CDH4: variants seen among roughly 807,000 people sequenced by gnomAD.
The protein encoded by CDH4 is cadherin-4.
Under a neutral mutation model 86.0 loss-of-function variants are expected in CDH4, and 33 were observed. The observed-to-expected ratio is 0.38, with a 90% CI of 0.29 to 0.51. CDH4 has a LOEUF of 0.51. Ranked by LOEUF, CDH4 falls within the 20% of genes least tolerant of loss-of-function variation. CDH4 has a pLI of 0.86. For synonymous variants in CDH4, 555 were observed against 549.4 expected (o/e 1.01, Z -0.14); for missense variants, 1,114 against 1,307.4 (o/e 0.85, Z 2.28).
At chr20:61,578,976 G>T (rs531154493) in intron 2 of CDH4, among the ~76,000 whole-genome samples, 1 of 152,234 alleles carries the variant, frequency 6.6e-6, no homozygotes, top group Non-Finnish European at 1.5e-5. Flanking sequence ...CAGTACCCCT[G>T]GGCTGGGATT....
chr20:61,455,154 C>G (rs927886625), intron 2 of CDH4, among the ~76,000 whole-genome samples: 3 of 152,188 alleles, frequency 2.0e-5, no homozygotes, highest in Non-Finnish European at 4.4e-5. Flanking sequence ...CAGAGTGTTA[C>G]ATCTCCACAA....
intron 2 of CDH4, among the ~76,000 whole-genome samples, chr20:61,636,968 C>G (rs2086953718): frequency 6.6e-6 from 1 of 152,208 alleles, no homozygotes; most frequent in Non-Finnish European, 1.5e-5. Context: ...TCTGCCAGTT[C>G]TGATCCACCC....
intron 8 of CDH4, among the ~76,000 whole-genome samples, chr20:61,898,034 C>G (rs573829777): frequency 2.0e-4 from 31 of 152,294 alleles, no homozygotes; most frequent in African/African-American, 7.0e-4. Flanking sequence ...TTCCAGGTGA[C>G]TGGGTCGCAT....
At chr20:61,728,748 G>A (rs1483952208) in intron 2 of CDH4, among the ~76,000 whole-genome samples, 3 of 152,216 alleles carry the variant, frequency 2.0e-5, no homozygotes, top group Non-Finnish European at 2.9e-5. Flanking sequence ...GGAAACACTG[G>A]TTCATGTTGG....
In CDH4 at chr20:61,518,876, C is replaced by G. The variant is rs1455992489; in HGVS notation, c.170-224687C>G. Reference sequence around the variant, plus strand: ...ATCACCCATTCATCCATCATTCATTCATCAATCCACCCATCATCCATTCAT... The same window carrying G: ...ATCACCCATTCATCCATCATTCATTGATCAATCCACCCATCATCCATTCAT... On this transcript the variant is annotated intron_variant, in intron 2 of 15. Transcript: ENST00000614565. This position sits in a 1 kb window ranked among gnomAD's most constrained non-coding sequence, Gnocchi z 6.3. Among the ~76,000 whole-genome samples, 3 of 151,494 alleles carry G rather than the reference C, an allele frequency of 2.0e-5. No homozygotes were observed. The highest frequency in any genetic ancestry group is 3.0e-5 in the Non-Finnish European group (2 of 67,530).
intron 2 of CDH4, among the ~76,000 whole-genome samples, chr20:61,348,487 C>T (rs545411301): frequency 3.9e-5 from 6 of 152,276 alleles, no homozygotes; most frequent in South Asian, 2.1e-4. Context: ...CTGTTGCCAG[C>T]GGTTCCCTCC....
At chr20:61,553,494 G>A (rs1236797774) in intron 2 of CDH4, among the ~76,000 whole-genome samples, 1 of 152,214 alleles carries the variant, frequency 6.6e-6, no homozygotes, top group Non-Finnish European at 1.5e-5. Context: ...TCCATTTGGG[G>A]CTATTGCAGA....
At chr20:61,463,413 GC>G (rs1328618467) in intron 2 of CDH4, among the ~76,000 whole-genome samples, 1 of 152,168 alleles carries the variant, frequency 6.6e-6, no homozygotes, top group Non-Finnish European at 1.5e-5. Context: ...GTGAGGTGAG[GC>G]CCCATGTACA....
chr20:61,894,560 C>G (rs1489137589), intron 7 of CDH4, among the ~76,000 whole-genome samples: 1 of 152,184 alleles, frequency 6.6e-6, no homozygotes, highest in Admixed American at 6.5e-5. Context: ...GCTTGGTTTT[C>G]TAGACCGAAT....
intron 2 of CDH4, among the ~76,000 whole-genome samples, chr20:61,439,901 T>A (rs1892310): frequency 0.29 from 44,543 of 152,180 alleles, 7,303 homozygotes; most frequent in East Asian, 0.52. Flanking sequence ...AAAGGCATTC[T>A]TGTACAGACC....
intron 2 of CDH4, among the ~76,000 whole-genome samples, chr20:61,389,646 C>T (rs1205526170): frequency 6.6e-6 from 1 of 152,136 alleles, no homozygotes; most frequent in Non-Finnish European, 1.5e-5. Flanking sequence ...TCAACTGGGC[C>T]AGGAACACAC....
At chr20:61,606,902 C>T (rs531296246) in intron 2 of CDH4, among the ~76,000 whole-genome samples, 27 of 152,356 alleles carry the variant, frequency 1.8e-4, no homozygotes, top group African/African-American at 6.3e-4. Flanking sequence ...GCCGGGATGT[C>T]CTGGTGAGCC....
intron 2 of CDH4, among the ~76,000 whole-genome samples, chr20:61,577,769 G>C (rs942280857): frequency 6.6e-6 from 1 of 152,048 alleles, no homozygotes; most frequent in Admixed American, 6.5e-5. Context: ...TCTGGGTGGC[G>C]GCCCTGGGCA....
At chr20:61,394,366 A>G (rs917118620) in intron 2 of CDH4, among the ~76,000 whole-genome samples, 38 of 152,270 alleles carry the variant, frequency 2.5e-4, no homozygotes, top group Non-Finnish European at 5.0e-4. Flanking sequence ...GCGGCAGGTG[A>G]GCAGCAGCAG....
At chr20:61,422,165 G>A (rs938028695) in intron 2 of CDH4, among the ~76,000 whole-genome samples, 2 of 152,066 alleles carry the variant, frequency 1.3e-5, no homozygotes, top group Non-Finnish European at 1.5e-5. Context: ...GGTGGCTCAC[G>A]CCTGTAATCC....
At chr20:61,654,665 A>G (rs2145821875) in intron 2 of CDH4, among the ~76,000 whole-genome samples, 1 of 152,374 alleles carries the variant, frequency 6.6e-6, no homozygotes, top group South Asian at 2.1e-4. Context: ...CTTCCTAAAA[A>G]TGTTTACAAA....
intron 2 of CDH4, among the ~76,000 whole-genome samples, chr20:61,396,563 A>G (rs1460109030): frequency 6.6e-6 from 1 of 152,202 alleles, no homozygotes; most frequent in East Asian, 1.9e-4. Flanking sequence ...TTCCCTGAGC[A>G]TCTCTGTGCC....
intron 13 of CDH4, 39 bp from the exon 14 acceptor site, chr20:61,932,946 C>A: frequency 6.3e-7 from 1 of 1,597,408 alleles, no homozygotes; most frequent in Non-Finnish European, 8.6e-7. Flanking sequence ...ATGCGCACAC[C>A]CGCAGCACAC....
At chr20:61,260,211 G>T (rs2084121196) in intron 2 of CDH4, among the ~76,000 whole-genome samples, 1 of 152,278 alleles carries the variant, frequency 6.6e-6, no homozygotes, top group South Asian at 2.1e-4. Flanking sequence ...TTGGCCACTT[G>T]CTCTTGCTTT....
Sources: allele counts gnomAD v4.1 joint callset (sites outside exome capture counted in the v4.1 genomes callset), GRCh38; gene constraint gnomAD v4.1.1; non-coding constraint Gnocchi (gnomAD v3.1); transcripts MANE v1.5; gene names NCBI Gene and HGNC (gene_info 2026-07-23, HGNC 2026-07-21).